Variants in LINGO2 observed in about 807,000 individuals in gnomAD.
LINGO2 encodes leucine rich repeat and Ig domain containing 2.
Under a neutral mutation model 30.6 loss-of-function variants are expected in LINGO2, and 14 were observed. That is an observed-to-expected ratio of 0.46 (90% CI 0.30 to 0.72). The LOEUF is 0.72. Ranked by LOEUF, LINGO2 falls within the 30% of genes least tolerant of loss-of-function variation. LINGO2 has a pLI of 0.07. For missense variants in LINGO2, 729 were observed against 751.7 expected (o/e 0.97, Z 0.35); for synonymous variants, 317 against 288.5 (o/e 1.10, Z -1.00).
At chr9:28,050,220 A>G (rs1454544555) in intron 4 of LINGO2, among the ~76,000 whole-genome samples, 1 of 150,504 alleles carries the variant, frequency 6.6e-6, no homozygotes, top group East Asian at 2.0e-4. Context: ...AGTTATTGGT[A>G]CCATGTGCCT....
the LINGO2 span, among the ~76,000 whole-genome samples, chr9:28,872,206 A>T: frequency 6.6e-6 from 1 of 152,072 alleles, no homozygotes; most frequent in African/African-American, 2.4e-5. Flanking sequence ...TTGTGTTTTA[A>T]TGATTCCCAA....
the LINGO2 span, among the ~76,000 whole-genome samples, chr9:28,814,706 T>C: frequency 2.0e-4 from 30 of 152,184 alleles, 1 homozygote; most frequent in South Asian, 6.2e-3. Flanking sequence ...GCCAACACAG[T>C]GAAACCCTGT....
chr9:28,996,957 G>A, the LINGO2 span, among the ~76,000 whole-genome samples: 2,940 of 152,186 alleles, frequency 0.019, 114 homozygotes, highest in African/African-American at 0.067. Context: ...TCTTTTAAAC[G>A]CTTTCTCTGC....
chr9:28,661,370 T>C (rs568608706), intron 1 of LINGO2, among the ~76,000 whole-genome samples: 1 of 152,244 alleles, frequency 6.6e-6, no homozygotes, highest in East Asian at 1.9e-4. Context: ...TGCCCTACAG[T>C]TGACTTCATG....
chr9:27,950,558 G>T, exon 6 of LINGO2: 1 of 1,556,584 alleles, frequency 6.4e-7, no homozygotes, highest in Non-Finnish European at 8.7e-7. Context: ...TAACAGATTT[G>T]TTCTGGGCAG....
chr9:28,895,615 T>C, the LINGO2 span, among the ~76,000 whole-genome samples: 1 of 152,108 alleles, frequency 6.6e-6, no homozygotes, highest in Admixed American at 6.6e-5. Context: ...GCATACATAT[T>C]CCCATTTCTG....
At chr9:29,206,671 T>G in the LINGO2 span, among the ~76,000 whole-genome samples, 4 of 152,148 alleles carry the variant, frequency 2.6e-5, no homozygotes, top group Non-Finnish European at 5.9e-5. Context: ...CAACAGATAT[T>G]TAATAAGAAT....
the LINGO2 span, among the ~76,000 whole-genome samples, chr9:29,050,638 TAGA>T: frequency 1.1e-4 from 16 of 152,204 alleles, no homozygotes; most frequent in East Asian, 2.9e-3. Context: ...CATCATAAGG[TAGA>T]AGGAGTGTCA....
At chr9:28,238,708 A>G (rs1034603695) in intron 4 of LINGO2, among the ~76,000 whole-genome samples, 1 of 152,146 alleles carries the variant, frequency 6.6e-6, no homozygotes, top group African/African-American at 2.4e-5. Flanking sequence ...AACTTCAAGT[A>G]GGTAACTTAA....
chr9:27,974,567 T>C (rs546483239), intron 5 of LINGO2, among the ~76,000 whole-genome samples: 2 of 152,236 alleles, frequency 1.3e-5, no homozygotes, highest in Admixed American at 1.3e-4. Flanking sequence ...CATGACTGTG[T>C]TCATTACCAC....
At chr9:28,766,287 A>G in the LINGO2 span, among the ~76,000 whole-genome samples, 2 of 151,980 alleles carry the variant, frequency 1.3e-5, no homozygotes, top group Non-Finnish European at 2.9e-5. Flanking sequence ...AGGGCAAAGG[A>G]TCTGAATAGA....
the LINGO2 span, among the ~76,000 whole-genome samples, chr9:28,812,648 T>C: frequency 1.3e-5 from 2 of 152,198 alleles, no homozygotes; most frequent in Admixed American, 6.5e-5. Flanking sequence ...ATATACTAAT[T>C]GAAGCAGTAA....
At chr9:28,106,331 AT>A (rs1826591996) in intron 4 of LINGO2, among the ~76,000 whole-genome samples, 1 of 151,998 alleles carries the variant, frequency 6.6e-6, no homozygotes, top group East Asian at 1.9e-4. Flanking sequence ...TCTTCAGAAA[AT>A]TTTTCTCATT....
At chr9:28,149,255 C>G (rs1470414691) in intron 4 of LINGO2, 2 of 715,234 alleles carry the variant, frequency 2.8e-6, no homozygotes, top group Admixed American at 5.4e-5. Flanking sequence ...TTTGGGAGGC[C>G]CAGGCGGGCG....
chr9:28,561,086 A>G (rs1823031044), intron 1 of LINGO2, among the ~76,000 whole-genome samples: 1 of 152,038 alleles, frequency 6.6e-6, no homozygotes, highest in African/African-American at 2.4e-5. Context: ...TTAAAGTGGC[A>G]AGTGAGGAAA....
chr9:28,838,201 T>G, the LINGO2 span, among the ~76,000 whole-genome samples: 6 of 152,082 alleles, frequency 3.9e-5, no homozygotes, highest in African/African-American at 9.7e-5. Flanking sequence ...GATATTACAA[T>G]AGATAAAATG....
chr9:28,488,067 T>C (rs963939235), intron 1 of LINGO2, among the ~76,000 whole-genome samples: 5 of 152,184 alleles, frequency 3.3e-5, no homozygotes, highest in Non-Finnish European at 7.4e-5. Flanking sequence ...CATTCTTTCT[T>C]ACCAAACCAA....
At chr9:28,305,041 T>C (rs374420173) in intron 3 of LINGO2, among the ~76,000 whole-genome samples, 6 of 152,122 alleles carry the variant, frequency 3.9e-5, no homozygotes, top group East Asian at 1.9e-4. Flanking sequence ...ACAATAAAGA[T>C]ACATTAAATT....
At chr9:29,126,428 C>A in the LINGO2 span, among the ~76,000 whole-genome samples, 3 of 151,940 alleles carry the variant, frequency 2.0e-5, no homozygotes, top group African/African-American at 7.3e-5. Context: ...ATAAATGTAA[C>A]CTTATGATGC....
Sources: allele counts gnomAD v4.1 joint callset (sites outside exome capture counted in the v4.1 genomes callset), GRCh38; gene constraint gnomAD v4.1.1; transcripts MANE v1.5; gene names NCBI Gene and HGNC (gene_info 2026-07-23, HGNC 2026-07-21).